The following LGI1 variants were observed in gnomAD, a reference collection of about 807,000 sequenced individuals.
LGI1 encodes leucine rich glioma inactivated 1.
Under a neutral mutation model 57.7 loss-of-function variants are expected in LGI1, and 11 were observed. That is an observed-to-expected ratio of 0.19 (90% CI 0.12 to 0.32). LGI1 has a LOEUF of 0.32. Among genes scored for constraint, LGI1 ranks in the 10% least tolerant of loss-of-function variants. The probability of loss-of-function intolerance (pLI) is 1.00; values close to 1 mark genes in which losing one functional copy is unlikely to be tolerated. For missense variants in LGI1, 422 were observed against 661.9 expected, an observed-to-expected ratio of 0.64 and a Z score of 3.98; for synonymous variants, 222 against 241.9, an observed-to-expected ratio of 0.92 and a Z score of 0.76.
intron 7 of LGI1, among the ~76,000 whole-genome samples, chr10:93,795,484 T>G (rs1168768880): frequency 6.6e-6 from 1 of 152,220 alleles, no homozygotes; most frequent in Non-Finnish European, 1.5e-5. Flanking sequence ...GGAGTCCTCA[T>G]GATCTAATCA....
In LGI1 at chr10:93,777,369, T is replaced by C. The variant is rs770560125; in HGVS notation, c.288-10T>C. ...TTTCACCATTTTCATTGTGTACTTT[T>C]TCTGGGCAGGTTATTCACATCGAAC... On this transcript the variant is annotated splice_polypyrimidine_tract_variant and intron_variant, in intron 2 of 7. Transcript: ENST00000371418. 1.9e-6 allele frequency: 3 copies of C among 1,613,224 alleles called. No homozygotes were observed. The South Asian group carries it at 3.3e-5, about 18-fold the overall frequency.
chr10:93,777,059 G>A (rs1045954433), intron 2 of LGI1: 8 of 444,410 alleles, frequency 1.8e-5, no homozygotes, highest in African/African-American at 1.6e-4. Flanking sequence ...TAGTGCCTTT[G>A]TCATGAAAAT....
rs780939372 is a variant in LGI1 at position 93,795,528 on chromosome 10, A to T, written c.839-1440A>T. Among the ~76,000 whole-genome samples the T allele has an allele frequency of 2.6e-5, 4 of 152,318 alleles. No homozygotes were observed. In the East Asian group the frequency reaches 7.7e-4, roughly 29 times the overall value. Reference sequence around the variant, plus strand: ...ACACCCCACTTCTTAATACTATTACACTGGGGATTAAGCTACAACATAAAT... The same window carrying T: ...ACACCCCACTTCTTAATACTATTACTCTGGGGATTAAGCTACAACATAAAT... On this transcript the variant is annotated intron_variant, in intron 7 of 7. Transcript: ENST00000371418.
At chr10:93,777,089 C>G in intron 2 of LGI1, 1 of 521,498 alleles carries the variant, frequency 1.9e-6, no homozygotes, top group Non-Finnish European at 3.4e-6. Flanking sequence ...GTTGCTTTGG[C>G]TGCTTTGGCT....
At chr10:93,783,307 T>C (rs10882334) in intron 4 of LGI1, among the ~76,000 whole-genome samples, 84,970 of 151,724 alleles carry the variant, frequency 0.56, 24,787 homozygotes, top group African/African-American at 0.68. Context: ...ACCCGGGAGG[T>C]GGAGCTTGCA....
chr10:93,766,188 C>T (rs1050513043), intron 2 of LGI1, among the ~76,000 whole-genome samples: 7 of 152,096 alleles, frequency 4.6e-5, no homozygotes, highest in African/African-American at 1.7e-4. Context: ...TTTCAGTATC[C>T]CTCTCATGGA....
intron 4 of LGI1, among the ~76,000 whole-genome samples, chr10:93,784,448 A>G (rs1006737162): frequency 2.0e-5 from 3 of 152,204 alleles, no homozygotes; most frequent in Non-Finnish European, 2.9e-5. Flanking sequence ...CATTCACTTT[A>G]TAGAAAAGGG....
In LGI1 at chr10:93,786,588, T is replaced by TTTG. The variant is rs1172474556; in HGVS notation, c.432-3490_432-3488dup. ...TTATTTACATGATCCCTTATATCTC[T>TTTG]TTGTTGTTGTTGTTGTTGTTGTTTT... On this transcript the variant is annotated intron_variant, in intron 4 of 7. Transcript: ENST00000371418. Among the ~76,000 whole-genome samples the TTTG allele has an allele frequency of 1.9e-3, 88 of 46,290 alleles. 19 individuals are homozygous for TTTG. Among genetic ancestry groups the TTTG allele is most frequent in the African/African-American group, 2.6e-3 (86 of 33,348 alleles). The allele number at this position is 46,290 out of a possible 152,430, so 30.4% of individuals were successfully genotyped here. A position where few individuals can be genotyped will look rare whatever the true frequency, so the allele number is the denominator to read the frequency against.
At chr10:93,773,783 C>T (rs2059764325) in intron 2 of LGI1, among the ~76,000 whole-genome samples, 1 of 152,118 alleles carries the variant, frequency 6.6e-6, no homozygotes, top group Non-Finnish European at 1.5e-5. Context: ...GGGAAAATGC[C>T]TGGCTTCTTA....
intron 4 of LGI1, among the ~76,000 whole-genome samples, chr10:93,783,203 C>T (rs1315582024): frequency 6.6e-6 from 1 of 152,038 alleles, no homozygotes; most frequent in Admixed American, 6.6e-5. Context: ...GGTGAAACCC[C>T]ATCTCTACTA....
chr10:93,797,767 G>A lies in LGI1; in HGVS notation c.1638G>A (p.Gln546=), dbSNP rs1488105912. The change falls in exon 8 of 8, where the codon CAG becomes CAA. Residue 546 remains glutamine, a synonymous_variant. Coordinates refer to ENST00000371418, the MANE Select transcript of LGI1 (RefSeq NM_005097.4). The surrounding 1 kb of genome is among the most constrained non-coding windows in gnomAD (Gnocchi z 6.5). The part of the protein sequence containing the change: ...LFASSFKGNT[Q]IYKHVIVDLS... Reference sequence around the variant, plus strand: ...CTTCCAGTTTTAAGGGAAATACACAGATTTACAAACATGTCATAGTTGACT... The same window carrying A: ...CTTCCAGTTTTAAGGGAAATACACAAATTTACAAACATGTCATAGTTGACT... 6.2e-7 allele frequency: 1 copy of A among 1,605,166 alleles called. No homozygotes were observed. Among genetic ancestry groups the A allele is most frequent in the African/African-American group, 1.3e-5 (1 of 75,050 alleles).
intron 2 of LGI1, among the ~76,000 whole-genome samples, chr10:93,761,885 T>C (rs1164441664): frequency 6.6e-6 from 1 of 152,234 alleles, no homozygotes; most frequent in Non-Finnish European, 1.5e-5. Flanking sequence ...TTATGCGTTC[T>C]AGCTTGCTTT....
At chr10:93,788,666 T>G (rs1414631527) in intron 4 of LGI1, 1 of 152,218 alleles carries the variant, frequency 6.6e-6, no homozygotes, top group African/African-American at 2.4e-5. Flanking sequence ...ATTCTTGCAT[T>G]CCAAGGTTCA....
chr10:93,772,972 TG>T (rs1392686277), intron 2 of LGI1: 1 of 151,264 alleles, frequency 6.6e-6, no homozygotes, highest in East Asian at 1.9e-4. Flanking sequence ...CCCAGCTACT[TG>T]GGAAGTTGAG....
At chr10:93,784,095 G>A (rs1443913597) in intron 4 of LGI1, among the ~76,000 whole-genome samples, 1 of 152,170 alleles carries the variant, frequency 6.6e-6, no homozygotes, top group Non-Finnish European at 1.5e-5. Context: ...TACAGATAAT[G>A]GAAAGAGAAC....
At chr10:93,790,482 C>T (rs769690313) in intron 5 of LGI1, 5 of 304,780 alleles carry the variant, frequency 1.6e-5, no homozygotes, top group Non-Finnish European at 3.0e-5. Flanking sequence ...TTTCAAAATC[C>T]CTTTTTTCTC....
intron 2 of LGI1, chr10:93,768,846 T>G (rs1260885993): frequency 1.3e-5 from 2 of 152,176 alleles, no homozygotes; most frequent in Admixed American, 6.5e-5. Context: ...GGACTACGTA[T>G]CTCTCTGGAG....
chr10:93,796,432 T>A (rs7076248), intron 7 of LGI1, among the ~76,000 whole-genome samples: 5,538 of 152,224 alleles, frequency 0.036, 298 homozygotes, highest in East Asian at 0.12. Context: ...CAGCTTGGGT[T>A]AAAAGCATAG....
intron 2 of LGI1, among the ~76,000 whole-genome samples, chr10:93,766,590 C>T (rs1000115319): frequency 5.0e-4 from 68 of 136,312 alleles, no homozygotes; most frequent in Admixed American, 2.6e-4. Flanking sequence ...CTGCAAGCTC[C>T]GCCTCCCGGG....
Sources: gnomAD v4.1 joint callset for allele counts (sites outside exome capture counted in the v4.1 genomes callset) on GRCh38, gnomAD v4.1.1 for gene constraint, Gnocchi (gnomAD v3.1) non-coding constraint, MANE v1.5 for transcripts, NCBI Gene and HGNC (gene_info 2026-07-23, HGNC 2026-07-21) for gene names.